KCNB2: variants seen among roughly 807,000 people sequenced by gnomAD.
KCNB2 encodes the protein delayed rectifier potassium channel protein.
A neutral mutation model predicts 61.5 loss-of-function variants in KCNB2; 15 were observed. The ratio of observed to expected loss-of-function variants is 0.24; its 90% CI spans 0.16 to 0.38. The LOEUF is 0.38. KCNB2 is among the 10% of genes least tolerant of loss of function. The pLI, the probability that KCNB2 is intolerant of heterozygous loss-of-function variation, is 1.00. For synonymous variants in KCNB2, 457 were observed against 446.0 expected (o/e 1.02, Z -0.31); for missense variants, 828 against 1,125.2 (o/e 0.74, Z 3.78).
chr8:72,713,105 G>C (rs1215954752), intron 2 of KCNB2, among the ~76,000 whole-genome samples: 2 of 152,366 alleles, frequency 1.3e-5, no homozygotes, highest in Admixed American at 1.3e-4. Context: ...CGGCAGCAAG[G>C]CTGGGGGAGG....
chr8:72,668,818 G>A (rs760644968), intron 2 of KCNB2, among the ~76,000 whole-genome samples: 1 of 152,028 alleles, frequency 6.6e-6, no homozygotes, highest in South Asian at 2.1e-4. Context: ...TGAGGACAGG[G>A]TTCATGTTAT....
chr8:72,787,569 T>A (rs888121951), intron 2 of KCNB2, among the ~76,000 whole-genome samples: 2 of 152,208 alleles, frequency 1.3e-5, no homozygotes, highest in African/African-American at 4.8e-5. Context: ...TCCAGACAGA[T>A]CTTCACACAA....
chr8:72,889,680 G>C (rs1407642740), intron 2 of KCNB2, among the ~76,000 whole-genome samples: 1 of 152,070 alleles, frequency 6.6e-6, no homozygotes, highest in Non-Finnish European at 1.5e-5. Context: ...CAGAGACCCT[G>C]TCTCAAAAGA....
chr8:72,681,671 G>A (rs1806758440), intron 2 of KCNB2, among the ~76,000 whole-genome samples: 1 of 152,128 alleles, frequency 6.6e-6, no homozygotes, highest in South Asian at 2.1e-4. Context: ...TTAATATAAA[G>A]TATTATGTAC....
At chr8:72,543,009 T>C (rs1189004727) in intron 1 of KCNB2, among the ~76,000 whole-genome samples, 1 of 152,206 alleles carries the variant, frequency 6.6e-6, no homozygotes, top group African/African-American at 2.4e-5. Flanking sequence ...AGTAGTTGTA[T>C]GACAGAAGCA....
intron 2 of KCNB2, among the ~76,000 whole-genome samples, chr8:72,925,150 T>A (rs1320218150): frequency 6.6e-6 from 1 of 152,182 alleles, no homozygotes; most frequent in Non-Finnish European, 1.5e-5. Context: ...TGCTGGGACA[T>A]GGTCTTTAGA....
At chr8:72,905,503 G>A (rs75325108) in intron 2 of KCNB2, among the ~76,000 whole-genome samples, 5,364 of 152,158 alleles carry the variant, frequency 0.035, 289 homozygotes, top group African/African-American at 0.12. Flanking sequence ...ATGGCATGAG[G>A]CAATTTTATG....
chr8:72,658,365 G>T (rs1806325492), intron 2 of KCNB2, among the ~76,000 whole-genome samples: 1 of 152,158 alleles, frequency 6.6e-6, no homozygotes, highest in Non-Finnish European at 1.5e-5. Flanking sequence ...CCAGAGCGAG[G>T]TCCTAACTCT....
chr8:72,710,512 G>A (rs1807309530), intron 2 of KCNB2, among the ~76,000 whole-genome samples: 1 of 152,150 alleles, frequency 6.6e-6, no homozygotes, highest in African/African-American at 2.4e-5. Context: ...GCGTATGTGT[G>A]TGTTGAGGAA....
At chr8:72,698,415 A>G (rs1465387828) in intron 2 of KCNB2, among the ~76,000 whole-genome samples, 4 of 152,156 alleles carry the variant, frequency 2.6e-5, no homozygotes, top group Non-Finnish European at 1.5e-5. Flanking sequence ...AAGAATTAAT[A>G]TCATTAAAAT....
At chr8:72,652,969 T>C (rs561695547) in intron 2 of KCNB2, among the ~76,000 whole-genome samples, 15 of 152,220 alleles carry the variant, frequency 9.9e-5, no homozygotes, top group African/African-American at 3.4e-4. Flanking sequence ...CCTGCCTCTC[T>C]CCTAGCTTCT....
rs560474413 is a variant in KCNB2, at chr8:72,756,704, G to T, written c.580-179231G>T. Among the ~76,000 whole-genome samples, 367 of 152,288 alleles carry T rather than the reference G, an allele frequency of 2.4e-3. 2 individuals carry two copies. The highest frequency in any genetic ancestry group is 8.5e-3 in the African/African-American group (353 of 41,562). ...AGCCTCTGACCCTTCTTACAGCTCA[G>T]TTGGAAAGTTCCTGCAGTAGGTCAG... On this transcript the variant is annotated intron_variant, in intron 2 of 2. Transcript: ENST00000523207.
chr8:72,617,248 A>G (rs933616822), intron 2 of KCNB2, among the ~76,000 whole-genome samples: 4 of 152,194 alleles, frequency 2.6e-5, no homozygotes, highest in African/African-American at 9.6e-5. Context: ...TCTTTCCAAC[A>G]TGATAGTTTC....
At chr8:72,826,378 G>T (rs1356154214) in intron 2 of KCNB2, among the ~76,000 whole-genome samples, 1 of 152,192 alleles carries the variant, frequency 6.6e-6, no homozygotes, top group Non-Finnish European at 1.5e-5. Flanking sequence ...TAATGAAAGT[G>T]CATTAGGAGT....
At chr8:72,610,533 A>G (rs1321054258) in intron 2 of KCNB2, among the ~76,000 whole-genome samples, 1 of 152,182 alleles carries the variant, frequency 6.6e-6, no homozygotes, top group Non-Finnish European at 1.5e-5. Context: ...ATGATCTCTT[A>G]TGTATGCAAT....
intron 2 of KCNB2, among the ~76,000 whole-genome samples, chr8:72,637,099 C>T (rs770267005): frequency 1.3e-5 from 2 of 152,048 alleles, no homozygotes; most frequent in Non-Finnish European, 2.9e-5. Context: ...GTTTGGCATG[C>T]TTCATAGGTT....
At chr8:72,888,360 C>A (rs1288128448) in intron 2 of KCNB2, among the ~76,000 whole-genome samples, 1 of 152,140 alleles carries the variant, frequency 6.6e-6, no homozygotes, top group South Asian at 2.1e-4. Context: ...ATCCACCCAC[C>A]GCAGCTTCCC....
chr8:72,799,316 C>T (rs1204133531), intron 2 of KCNB2, among the ~76,000 whole-genome samples: 3 of 152,250 alleles, frequency 2.0e-5, no homozygotes, highest in East Asian at 3.9e-4. Context: ...TTCCTCCTGA[C>T]CCCCATCTAA....
At chr8:72,582,254 T>TGCATG (rs1342636279) in intron 2 of KCNB2, among the ~76,000 whole-genome samples, 6 of 152,210 alleles carry the variant, frequency 3.9e-5, no homozygotes, top group African/African-American at 1.4e-4. Flanking sequence ...TGTGCCCTAC[T>TGCATG]TGCACTGCAG....
Sources: gnomAD v4.1 joint callset for allele counts (sites outside exome capture counted in the v4.1 genomes callset) on GRCh38, gnomAD v4.1.1 for gene constraint, MANE v1.5 for transcripts, NCBI Gene and HGNC (gene_info 2026-07-23, HGNC 2026-07-21) for gene names.